FAF1: variants seen among roughly 807,000 people sequenced by gnomAD.
FAF1 encodes the protein Fas associated factor 1.
In FAF1, 25 loss-of-function variants were observed where a neutral mutation model predicts 92.5. The ratio of observed to expected loss-of-function variants is 0.27; its 90% CI spans 0.20 to 0.38. FAF1 has a LOEUF of 0.38. Ranked by LOEUF, FAF1 falls within the 10% of genes least tolerant of loss-of-function variation. The probability of loss-of-function intolerance (pLI) is 1.00; values close to 1 mark genes in which losing one functional copy is unlikely to be tolerated. For missense variants in FAF1, 636 were observed against 793.3 expected, an observed-to-expected ratio of 0.80 and a Z score of 2.38; for synonymous variants, 234 against 273.2, an observed-to-expected ratio of 0.86 and a Z score of 1.42.
intron 2 of FAF1, among the ~76,000 whole-genome samples, chr1:50,835,678 T>C (rs575481109): frequency 6.6e-6 from 1 of 152,092 alleles, no homozygotes; most frequent in East Asian, 1.9e-4. Context: ...CGGTAGCTGC[T>C]GAAAGAATTT....
At chr1:50,510,110 G>C (rs1323065586) in intron 15 of FAF1, among the ~76,000 whole-genome samples, 1 of 148,902 alleles carries the variant, frequency 6.7e-6, no homozygotes, top group Non-Finnish European at 1.5e-5. Flanking sequence ...GGGTTGCAGT[G>C]AGCCGAGATG....
At chr1:50,456,186 G>A (rs1646350533) in intron 18 of FAF1, among the ~76,000 whole-genome samples, 1 of 152,006 alleles carries the variant, frequency 6.6e-6, no homozygotes, top group Admixed American at 6.6e-5. Context: ...TGGAAATCCT[G>A]GGCTCAAGTT....
chr1:50,553,181 C>CT (rs1292364872), intron 13 of FAF1, among the ~76,000 whole-genome samples: 6 of 152,206 alleles, frequency 3.9e-5, no homozygotes, highest in Non-Finnish European at 8.8e-5. Flanking sequence ...ATAAAAAAAT[C>CT]TTTAAGACCA....
chr1:50,689,412 G>A (rs1396590353), intron 7 of FAF1, among the ~76,000 whole-genome samples: 3 of 152,132 alleles, frequency 2.0e-5, no homozygotes, highest in South Asian at 4.2e-4. Flanking sequence ...GTGAAACCCC[G>A]TCTCTACTAA....
rs749575696 is a variant in FAF1, at chr1:50,583,753, AC to A, written c.968-39del. 4 of 1,434,798 alleles carry A rather than the reference AC, an allele frequency of 2.8e-6. No individual in the cohort carries two copies. Among genetic ancestry groups the A allele is most frequent in the Admixed American group, 1.8e-5 (1 of 54,336 alleles). The allele number at this position is 1,434,798 out of a possible 1,614,324, so 88.9% of individuals were successfully genotyped here. On this transcript the variant is annotated intron_variant, in intron 10 of 18. Coordinates refer to ENST00000396153, the MANE Select transcript of FAF1 (RefSeq NM_007051.3). The surrounding 1 kb of genome is among the most constrained non-coding windows in gnomAD (Gnocchi z 4.2). ...CAAAAGAAAAAACAAAAACAAAAAA[AC>A]AAAACAAATAGACACAAAAACAAAC...
chr1:50,808,824 G>A (rs1205348286), intron 2 of FAF1, among the ~76,000 whole-genome samples: 1 of 152,014 alleles, frequency 6.6e-6, no homozygotes, highest in Non-Finnish European at 1.5e-5. Flanking sequence ...CCATTAAATT[G>A]TATGTTTTTG....
intron 2 of FAF1, among the ~76,000 whole-genome samples, chr1:50,804,531 T>C (rs1391136259): frequency 2.6e-5 from 4 of 151,802 alleles, no homozygotes; most frequent in Non-Finnish European, 5.9e-5. Flanking sequence ...AGCTAGAAAA[T>C]CTGAAAATAC....
At chr1:50,880,409 C>A (rs1308846826) in intron 1 of FAF1, among the ~76,000 whole-genome samples, 1 of 152,050 alleles carries the variant, frequency 6.6e-6, no homozygotes, top group Non-Finnish European at 1.5e-5. Context: ...ATGTTAGAGC[C>A]CTAACTCCCA....
intron 1 of FAF1, among the ~76,000 whole-genome samples, chr1:50,922,292 A>C (rs1644969771): frequency 6.6e-6 from 1 of 150,782 alleles, no homozygotes; most frequent in Non-Finnish European, 1.5e-5. Flanking sequence ...AACCCTGTCT[A>C]AACTAAAAAT....
chr1:50,569,254 T>C (rs12073534), intron 12 of FAF1, among the ~76,000 whole-genome samples: 14,106 of 152,152 alleles, frequency 0.093, 835 homozygotes, highest in African/African-American at 0.17. Context: ...CTTCCATTAG[T>C]ATTATAACTG....
intron 1 of FAF1, among the ~76,000 whole-genome samples, chr1:50,861,635 C>T (rs1644433488): frequency 6.6e-6 from 1 of 151,674 alleles, no homozygotes; most frequent in African/African-American, 2.4e-5. Flanking sequence ...ACACTAAAAG[C>T]CCAAACTTTA....
At chr1:50,713,034 C>T (rs1255844119) in intron 6 of FAF1, among the ~76,000 whole-genome samples, 6 of 151,124 alleles carry the variant, frequency 4.0e-5, no homozygotes, top group Admixed American at 2.0e-4. Flanking sequence ...TGGTGGCACG[C>T]GCCTGTAGTC....
At chr1:50,591,275 TTC>T (rs577514417) in intron 9 of FAF1, among the ~76,000 whole-genome samples, 35 of 152,336 alleles carry the variant, frequency 2.3e-4, no homozygotes, top group Admixed American at 2.1e-3. Context: ...CATACCTGAT[TTC>T]TCTGTCTTCT....
intron 18 of FAF1, among the ~76,000 whole-genome samples, chr1:50,469,244 A>G (rs1646539784): frequency 6.6e-6 from 1 of 152,242 alleles, no homozygotes; most frequent in South Asian, 2.1e-4. Context: ...CCTGGGCTGC[A>G]GTCCTCAGTG....
In FAF1 at chr1:50,437,563, ATTTTT is replaced by A. The variant is rs1646137994; in HGVS notation, c.*3872_*3876del. The A allele has an allele frequency of 6.6e-6, 1 of 151,992 alleles. No individual in the cohort carries two copies. Among genetic ancestry groups the A allele is most frequent in the East Asian group, 1.9e-4 (1 of 5,164 alleles). The allele number at this position is 151,992 out of a possible 1,614,324, so 9.4% of individuals were successfully genotyped here. A position where few individuals can be genotyped will look rare whatever the true frequency, so the allele number is the denominator to read the frequency against. ...GCATGCCTGGCTAATGAAAAGTTTTATTTTTTATTTATTTATTTTTTTAGAGACAG... is the reference window on the plus strand; with the variant it reads ...GCATGCCTGGCTAATGAAAAGTTTTATATTTATTTATTTTTTTAGAGACAG... On this transcript the variant is annotated 3_prime_UTR_variant, in exon 19 of 19. Coordinates refer to ENST00000396153, the MANE Select transcript of FAF1 (RefSeq NM_007051.3).
intron 6 of FAF1, among the ~76,000 whole-genome samples, chr1:50,729,024 ATCTATC>A (rs1166368815): frequency 2.3e-4 from 18 of 77,436 alleles, no homozygotes; most frequent in African/African-American, 7.2e-4. Context: ...CTATCTATCT[ATCTATC>A]TATCTATATA....
chr1:50,739,264 G>A (rs775384230), intron 5 of FAF1, among the ~76,000 whole-genome samples: 3 of 151,920 alleles, frequency 2.0e-5, no homozygotes, highest in Non-Finnish European at 2.9e-5. Flanking sequence ...ATATGTGCAT[G>A]TGTACATGTG....
chr1:50,825,570 AT>A (rs1644088976), intron 2 of FAF1, among the ~76,000 whole-genome samples: 1 of 152,028 alleles, frequency 6.6e-6, no homozygotes, highest in African/African-American at 2.4e-5. Flanking sequence ...CTCCATAATC[AT>A]AGGGGAGATT....
chr1:50,865,694 G>A lies in FAF1; in HGVS notation c.46-7697C>T, dbSNP rs1266316336. 1.3e-4 allele frequency among the ~76,000 whole-genome samples: 13 copies of A among 100,968 alleles called. No individual in the cohort carries two copies. The East Asian group carries it at 3.3e-3, about 25-fold the overall frequency. The allele number at this position is 100,968 out of a possible 152,430, so 66.2% of individuals were successfully genotyped here. ...CACACTCTGGGGACTGTTGTGGGGT[G>A]GGGGGAGGGGGGAGGGATAGCTTTA... On this transcript the variant is annotated intron_variant, in intron 1 of 18. Coordinates refer to ENST00000396153, the MANE Select transcript of FAF1 (RefSeq NM_007051.3).
Sources: allele counts gnomAD v4.1 joint callset (sites outside exome capture counted in the v4.1 genomes callset), GRCh38; gene constraint gnomAD v4.1.1; non-coding constraint Gnocchi (gnomAD v3.1); transcripts MANE v1.5; gene names NCBI Gene and HGNC (gene_info 2026-07-23, HGNC 2026-07-21).